The following ADGRL3 variants were observed in gnomAD, a reference collection of about 807,000 sequenced individuals.
ADGRL3 encodes the protein adhesion G protein-coupled receptor L3.
In ADGRL3, 62 loss-of-function variants were observed where a neutral mutation model predicts 153.5. The observed-to-expected ratio is 0.40, with a 90% CI of 0.33 to 0.50. The LOEUF is 0.50. Ranked by LOEUF, ADGRL3 falls within the 20% of genes least tolerant of loss-of-function variation. ADGRL3 has a pLI of 0.47. For synonymous variants in ADGRL3, 710 were observed against 672.5 expected (o/e 1.06, Z -0.86); for missense variants, 1,641 against 1,859.4 (o/e 0.88, Z 2.16).
chr4:61,833,731 T>C (rs1015944273), intron 9 of ADGRL3, among the ~76,000 whole-genome samples: 2 of 152,166 alleles, frequency 1.3e-5, no homozygotes, highest in Non-Finnish European at 2.9e-5. Context: ...ATCTTGTGGC[T>C]AATTTGTTAG....
chr4:61,510,258 G>A (rs6820886), intron 3 of ADGRL3, among the ~76,000 whole-genome samples: 23,820 of 152,056 alleles, frequency 0.16, 2,591 homozygotes, highest in African/African-American at 0.3. Flanking sequence ...AAGTTCTTTA[G>A]TTTTATTAGG....
At chr4:61,907,406 G>A (rs1366143888) in intron 11 of ADGRL3, among the ~76,000 whole-genome samples, 1 of 151,884 alleles carries the variant, frequency 6.6e-6, no homozygotes, top group Non-Finnish European at 1.5e-5. Context: ...CTACAGGCAT[G>A]CGCCACCATG....
At chr4:62,049,091 T>G (rs924226763) in intron 25 of ADGRL3, among the ~76,000 whole-genome samples, 2 of 152,126 alleles carry the variant, frequency 1.3e-5, no homozygotes, top group African/African-American at 4.8e-5. Flanking sequence ...TCATCATAAA[T>G]ATTATATTTT....
chr4:61,650,577 G>A (rs2094209372), intron 5 of ADGRL3, among the ~76,000 whole-genome samples: 2 of 152,058 alleles, frequency 1.3e-5, no homozygotes, highest in Admixed American at 1.3e-4. Flanking sequence ...TCTTGTGGTG[G>A]TGGTGGTGTT....
At chr4:61,963,670 G>A (rs1353730512) in intron 17 of ADGRL3, among the ~76,000 whole-genome samples, 1 of 152,040 alleles carries the variant, frequency 6.6e-6, no homozygotes, top group Non-Finnish European at 1.5e-5. Context: ...CCATTAATGG[G>A]CATCTAGGTT....
chr4:61,337,828 G>A (rs961481330), intron 1 of ADGRL3, among the ~76,000 whole-genome samples: 4 of 152,022 alleles, frequency 2.6e-5, no homozygotes, highest in Admixed American at 6.6e-5. Context: ...CAATTATTTG[G>A]GCAGAGCATT....
At chr4:61,913,593 A>G (rs566737862) in intron 13 of ADGRL3, among the ~76,000 whole-genome samples, 20 of 152,220 alleles carry the variant, frequency 1.3e-4, no homozygotes, top group Non-Finnish European at 1.5e-4. Context: ...AAACTTTATC[A>G]GTTAATTTGC....
intron 9 of ADGRL3, among the ~76,000 whole-genome samples, chr4:61,845,283 AT>A (rs2098101734): frequency 6.6e-6 from 1 of 151,784 alleles, no homozygotes; most frequent in Admixed American, 6.6e-5. Context: ...ATTTCCCATT[AT>A]CTTTTTCTCT....
intron 9 of ADGRL3, among the ~76,000 whole-genome samples, chr4:61,822,986 C>A (rs1400789339): frequency 6.6e-6 from 1 of 152,136 alleles, no homozygotes; most frequent in Admixed American, 6.5e-5. Context: ...TGATTCTCCC[C>A]TTGATCACTG....
intron 1 of ADGRL3, among the ~76,000 whole-genome samples, chr4:61,278,419 G>A (rs10026297): frequency 6.6e-5 from 10 of 152,250 alleles, no homozygotes; most frequent in Admixed American, 5.2e-4. Context: ...GCTATTTCTA[G>A]TAGTAGTCTC....
intron 2 of ADGRL3, among the ~76,000 whole-genome samples, chr4:61,456,503 A>C (rs866729353): frequency 1.4e-4 from 18 of 127,806 alleles, no homozygotes; most frequent in East Asian, 4.5e-4. Flanking sequence ...ATCTATATCT[A>C]TATATATATA....
chr4:61,237,842 C>T (rs572673334), intron 1 of ADGRL3, among the ~76,000 whole-genome samples: 3 of 152,220 alleles, frequency 2.0e-5, no homozygotes, highest in Non-Finnish European at 2.9e-5. Flanking sequence ...TGCATATCAA[C>T]ATCATACTTA....
At chr4:61,923,218 G>A (rs1044569291) in intron 13 of ADGRL3, among the ~76,000 whole-genome samples, 2 of 152,262 alleles carry the variant, frequency 1.3e-5, no homozygotes, top group Admixed American at 1.3e-4. Context: ...CATATTTTTT[G>A]CAAAACGACT....
intron 2 of ADGRL3, among the ~76,000 whole-genome samples, chr4:61,475,053 A>G (rs1364858604): frequency 1.3e-5 from 2 of 152,136 alleles, no homozygotes; most frequent in African/African-American, 2.4e-5. Context: ...TCTAACAACT[A>G]TTTTAGAACG....
chr4:61,954,422 A>C (rs952026592), intron 17 of ADGRL3, among the ~76,000 whole-genome samples: 2 of 151,864 alleles, frequency 1.3e-5, no homozygotes, highest in African/African-American at 4.8e-5. Context: ...TTTAATTTTC[A>C]ACATAGTTGC....
intron 5 of ADGRL3, among the ~76,000 whole-genome samples, chr4:61,675,562 C>A (rs909234351): frequency 2.7e-5 from 4 of 150,234 alleles, no homozygotes; most frequent in African/African-American, 9.7e-5. Context: ...ATGAATTAAT[C>A]AATTCAGATT....
intron 13 of ADGRL3, among the ~76,000 whole-genome samples, chr4:61,928,651 A>G (rs1284805483): frequency 6.6e-6 from 1 of 152,170 alleles, no homozygotes; most frequent in Non-Finnish European, 1.5e-5. Context: ...TTTCTTATTC[A>G]TAGTGTCCTG....
intron 1 of ADGRL3, among the ~76,000 whole-genome samples, chr4:61,307,731 G>C (rs1268885556): frequency 6.6e-6 from 1 of 152,100 alleles, no homozygotes; most frequent in Non-Finnish European, 1.5e-5. Context: ...ATATGAAAAA[G>C]TAAAACCAAT....
chr4:61,708,073 T>TG (rs1482390503), intron 6 of ADGRL3, among the ~76,000 whole-genome samples: 1 of 152,182 alleles, frequency 6.6e-6, no homozygotes, highest in East Asian at 1.9e-4. Flanking sequence ...TCAAGTTTTG[T>TG]GGGTCACTTG....
Sources: gnomAD v4.1 joint callset for allele counts (sites outside exome capture counted in the v4.1 genomes callset) on GRCh38, gnomAD v4.1.1 for gene constraint, MANE v1.5 for transcripts, NCBI Gene and HGNC (gene_info 2026-07-23, HGNC 2026-07-21) for gene names.